ATRN: variants seen among roughly 807,000 people sequenced by gnomAD.
ATRN encodes attractin-2.
In ATRN, 54 loss-of-function variants were observed where a neutral mutation model predicts 178.7. That is an observed-to-expected ratio of 0.30 (90% CI 0.24 to 0.38). The LOEUF (loss-of-function observed/expected upper bound fraction) is 0.38. Among genes scored for constraint, ATRN ranks in the 10% least tolerant of loss-of-function variants. The pLI is 1.00. For synonymous variants in ATRN, 636 were observed against 663.0 expected (o/e 0.96, Z 0.63); for missense variants, 1,443 against 1,815.1 (o/e 0.79, Z 3.73).
intron 1 of ATRN, among the ~76,000 whole-genome samples, chr20:3,533,739 T>C (rs1024429271): frequency 1.3e-5 from 2 of 152,128 alleles, no homozygotes; most frequent in Admixed American, 1.3e-4. Context: ...ACTATTTAGG[T>C]TTTTCTGACA....
At chr20:3,532,617 A>G (rs2146174395) in intron 1 of ATRN, among the ~76,000 whole-genome samples, 1 of 152,234 alleles carries the variant, frequency 6.6e-6, no homozygotes, top group South Asian at 2.1e-4. Context: ...TGATTATAGT[A>G]TTGTAGAGGA....
intron 3 of ATRN, among the ~76,000 whole-genome samples, chr20:3,541,299 G>C (rs1303265161): frequency 6.6e-6 from 1 of 151,776 alleles, no homozygotes; most frequent in African/African-American, 2.4e-5. Context: ...GGATGGTCTC[G>C]ATCTCCTGAC....
At chr20:3,505,416 C>A (rs1006391381) in intron 1 of ATRN, among the ~76,000 whole-genome samples, 1 of 152,218 alleles carries the variant, frequency 6.6e-6, no homozygotes, top group African/African-American at 2.4e-5. Context: ...CCATTGGCTT[C>A]CCTGGCTCTG....
rs1455846392 is a variant in ATRN, at chr20:3,492,861, GCGCGCGTGCGCA to G, written c.410+21348_410+21359del. ...GAGAGAGAGAGAGAGAGAGGCGCGC[GCGCGCGTGCGCA>G]CGCACACACACACACACACACACAT... On this transcript the variant is annotated intron_variant, in intron 1 of 28. Transcript: ENST00000262919. Among the ~76,000 whole-genome samples the G allele has an allele frequency of 6.5e-5, 8 of 123,116 alleles. No homozygotes were observed. In the South Asian group the frequency reaches 8.9e-4, roughly 14 times the overall value. The allele number at this position is 123,116 out of a possible 152,430, so 80.8% of individuals were successfully genotyped here. A position where few individuals can be genotyped will look rare whatever the true frequency, so the allele number is the denominator to read the frequency against.
intron 25 of ATRN, among the ~76,000 whole-genome samples, chr20:3,627,395 TTCCTC>T (rs2086950794): frequency 6.6e-6 from 1 of 152,180 alleles, no homozygotes; most frequent in Admixed American, 6.5e-5. Flanking sequence ...AGAAAAAACA[TTCCTC>T]TCAATAACTC....
At position 3,471,288 on chromosome 20, in the gene ATRN, C is replaced by T; in HGVS notation, c.181C>T (p.Leu61=). 6.9e-7 allele frequency: 1 copy of T among 1,458,748 alleles called. No homozygotes were observed. The allele number at this position is 1,458,748 out of a possible 1,614,324, so 90.4% of individuals were successfully genotyped here. ...RLLSPPLRPR[L]LLLLLLLSPP... ...GCTGTCTCCACCGCTGCGGCCACGG[C>T]TGCTGCTGCTGCTGTTGTTGCTCTC... The change falls in exon 1 of 29, where the codon CTG becomes TTG. Residue 61 remains leucine, a synonymous_variant. Coordinates refer to ENST00000262919, the MANE Select transcript of ATRN (RefSeq NM_139321.3).
intron 16 of ATRN, 108 bp downstream of exon 16, chr20:3,582,462 G>A (rs2086294703): frequency 2.0e-6 from 2 of 1,004,836 alleles, no homozygotes; most frequent in South Asian, 2.9e-5. Context: ...AACAGATGAA[G>A]TATTGATTTC....
rs2086998070 is a variant in ATRN, at chr20:3,632,745, T to A, written c.3864-1566T>A. 6.6e-6 allele frequency among the ~76,000 whole-genome samples: 1 copy of A among 152,216 alleles called. No individual in the cohort carries two copies. Among genetic ancestry groups the A allele is most frequent in the South Asian group, 2.1e-4 (1 of 4,830 alleles). On this transcript the variant is annotated intron_variant, in intron 25 of 28. Transcript: ENST00000262919. This position sits in a 1 kb window ranked among gnomAD's most constrained non-coding sequence, Gnocchi z 4.2. ...AATTTGCTTATTTACTTACTGTTTG[T>A]CTCCACCTGCTGGAATGTAAATTCC...
rs2087090075 is a variant in ATRN at position 3,644,180 on chromosome 20, G to A, written c.4077G>A (p.Glu1359=). ...CTGTTCCCAAACCCATTGCACTGGA[G>A]CCGTGTTTTGGCAACAAAGCCGCTG... is the stretch of plus-strand genomic sequence containing the variant. ...IKTVPKPIAL[E]PCFGNKAAVL... is the part of the protein sequence containing the mutation. The change falls in exon 28 of 29, where the codon GAG becomes GAA. Residue 1359 remains glutamate (E), a synonymous_variant. Coordinates refer to ENST00000262919, the MANE Select transcript of ATRN (RefSeq NM_139321.3). The A allele has an allele frequency of 2.5e-6, 4 of 1,614,040 alleles. No homozygotes were observed. Among genetic ancestry groups the A allele is most frequent in the Non-Finnish European group, 2.5e-6 (3 of 1,180,020 alleles).
chr20:3,473,309 G>A (rs1402842876), intron 1 of ATRN, among the ~76,000 whole-genome samples: 2 of 152,182 alleles, frequency 1.3e-5, no homozygotes, highest in Non-Finnish European at 2.9e-5. Context: ...AAGTCACTGA[G>A]GAAGCGATGT....
At chr20:3,607,203 T>C (rs535784702) in intron 24 of ATRN, among the ~76,000 whole-genome samples, 2 of 152,320 alleles carry the variant, frequency 1.3e-5, no homozygotes, top group South Asian at 4.1e-4. Context: ...TAAGAGTAAT[T>C]AGGATATCCA....
chr20:3,549,958 C>T (rs1209188282), intron 6 of ATRN, among the ~76,000 whole-genome samples: 1 of 152,092 alleles, frequency 6.6e-6, no homozygotes, highest in Non-Finnish European at 1.5e-5. Flanking sequence ...TTTCTGCATC[C>T]CCCCAAACAT....
At position 3,632,225 on chromosome 20, in the gene ATRN, T is replaced by A. The variant is rs1407656548; in HGVS notation, c.3864-2086T>A. ...ACACCTCTGCTTCCACAGCTCTGGTTTGAGCCACCATCATCTCACCTAGAC... is the reference window on the plus strand; with the variant it reads ...ACACCTCTGCTTCCACAGCTCTGGTATGAGCCACCATCATCTCACCTAGAC... On this transcript the variant is annotated intron_variant, in intron 25 of 28. Transcript: ENST00000262919. This position sits in a 1 kb window ranked among gnomAD's most constrained non-coding sequence, Gnocchi z 4.2. Among the ~76,000 whole-genome samples, 1 of 152,218 alleles carries A rather than the reference T, an allele frequency of 6.6e-6. No individual in the cohort carries two copies. Among genetic ancestry groups the A allele is most frequent in the African/African-American group, 2.4e-5 (1 of 41,456 alleles).
intron 1 of ATRN, among the ~76,000 whole-genome samples, chr20:3,473,659 T>G (rs540445002): frequency 6.6e-6 from 1 of 152,132 alleles, no homozygotes; most frequent in South Asian, 2.1e-4. Context: ...CAAGGTCAGG[T>G]GAATGGATGG....
chr20:3,529,994 T>C (rs1350922895), intron 1 of ATRN, among the ~76,000 whole-genome samples: 1 of 150,964 alleles, frequency 6.6e-6, no homozygotes, highest in Non-Finnish European at 1.5e-5. Context: ...AATAAAAGAG[T>C]TGAATAAAGA....
chr20:3,527,130 A>G (rs1006848838), intron 1 of ATRN, among the ~76,000 whole-genome samples: 5 of 152,212 alleles, frequency 3.3e-5, no homozygotes, highest in African/African-American at 1.2e-4. Context: ...AACTATCATC[A>G]GAGTGAACAG....
At chr20:3,549,592 T>C (rs2146204728) in intron 6 of ATRN, among the ~76,000 whole-genome samples, 1 of 152,350 alleles carries the variant, frequency 6.6e-6, no homozygotes, top group South Asian at 2.1e-4. Flanking sequence ...TTTAAGTATA[T>C]GTAGTAAGTT....
In ATRN at chr20:3,645,782, A is replaced by G. The variant is rs970750015; in HGVS notation, c.4166-941A>G. ...ACCCCCACTCCCCTTCACAGGCTCA[A>G]CAAGGCAAGTAACACGCTCCACTAA... On this transcript the variant is annotated intron_variant, in intron 28 of 28. Coordinates refer to ENST00000262919, the MANE Select transcript of ATRN (RefSeq NM_139321.3). This position sits in a 1 kb window ranked among gnomAD's most constrained non-coding sequence, Gnocchi z 4.7. 6.6e-6 allele frequency among the ~76,000 whole-genome samples: 1 copy of G among 151,604 alleles called. No individual in the cohort carries two copies. The highest frequency in any genetic ancestry group is 6.6e-5 in the Admixed American group (1 of 15,204).
intron 11 of ATRN, among the ~76,000 whole-genome samples, chr20:3,570,466 A>G (rs1409919911): frequency 6.6e-6 from 1 of 152,062 alleles, no homozygotes; most frequent in Admixed American, 6.5e-5. Context: ...AATCTTCAAA[A>G]TAATGTAGTG....
Sources: allele counts gnomAD v4.1 joint callset (sites outside exome capture counted in the v4.1 genomes callset), GRCh38; gene constraint gnomAD v4.1.1; non-coding constraint Gnocchi (gnomAD v3.1); transcripts MANE v1.5; gene names NCBI Gene and HGNC (gene_info 2026-07-23, HGNC 2026-07-21).